Variants in GOLGA4 observed in about 807,000 individuals in gnomAD.
The protein encoded by GOLGA4 is golgin subfamily A member 4.
A neutral mutation model predicts 265.9 loss-of-function variants in GOLGA4; 169 were observed. The observed-to-expected ratio is 0.64, with a 90% CI of 0.56 to 0.72. GOLGA4 has a LOEUF of 0.72. GOLGA4 is among the 30% of genes least tolerant of loss of function. The pLI is 0.00. For missense variants in GOLGA4, 2,482 were observed against 2,483.4 expected (o/e 1.00, Z 0.01); for synonymous variants, 923 against 855.8 (o/e 1.08, Z -1.37).
intron 2 of GOLGA4, among the ~76,000 whole-genome samples, chr3:37,272,120 A>G (rs1434582122): frequency 6.6e-6 from 1 of 152,200 alleles, no homozygotes; most frequent in Non-Finnish European, 1.5e-5. Context: ...TTACAGTGTA[A>G]TAATAGAAAT....
At chr3:37,339,824 C>G (rs371002416) in intron 19 of GOLGA4, among the ~76,000 whole-genome samples, 2 of 152,138 alleles carry the variant, frequency 1.3e-5, no homozygotes, top group East Asian at 3.8e-4. Flanking sequence ...CATTCTGTAG[C>G]TTGTCTTTTT....
At chr3:37,358,770 A>G (rs1053126324) in intron 22 of GOLGA4, among the ~76,000 whole-genome samples, 1 of 152,190 alleles carries the variant, frequency 6.6e-6, no homozygotes. Flanking sequence ...CCTCAGTAGG[A>G]GGGTCAAGTC....
chr3:37,287,079 G>T (rs1013798324), intron 4 of GOLGA4, among the ~76,000 whole-genome samples: 1 of 152,178 alleles, frequency 6.6e-6, no homozygotes, highest in Non-Finnish European at 1.5e-5. Flanking sequence ...GGTGGCTCAC[G>T]CCTGTAATCC....
At chr3:37,293,570 A>G (rs1000811872) in intron 5 of GOLGA4, among the ~76,000 whole-genome samples, 15 of 152,236 alleles carry the variant, frequency 9.9e-5, no homozygotes, top group African/African-American at 3.4e-4. Flanking sequence ...TTAGGGAACT[A>G]GTGAAGTATA....
chr3:37,337,817 G>T, intron 19 of GOLGA4, 83 bp downstream of exon 19: 1 of 908,170 alleles, frequency 1.1e-6, no homozygotes, highest in Admixed American at 2.0e-5. Flanking sequence ...TTAAATAGTT[G>T]GCTTTGAAAT....
intron 14 of GOLGA4, 75 bp from the exon 15 acceptor site, chr3:37,328,339 CTG>C: frequency 7.0e-7 from 1 of 1,435,130 alleles, no homozygotes; most frequent in South Asian, 1.3e-5. Context: ...ACTGTATGCA[CTG>C]TTTTAAAGAC....
intron 2 of GOLGA4, among the ~76,000 whole-genome samples, chr3:37,275,227 A>AT (rs1296589340): frequency 1.5e-4 from 22 of 148,778 alleles, no homozygotes; most frequent in African/African-American, 5.6e-4. Context: ...AAAAAAAAAA[A>AT]AAAAAAAAAA....
intron 20 of GOLGA4, among the ~76,000 whole-genome samples, chr3:37,341,283 A>T (rs1267057464): frequency 6.6e-6 from 1 of 152,196 alleles, no homozygotes; most frequent in Non-Finnish European, 1.5e-5. Context: ...ATCTTATATA[A>T]CACTTATCCA....
rs1212896889 is a variant in GOLGA4 at position 37,326,241 on chromosome 3, G to A, written c.4355G>A (p.Arg1452Lys). The A allele has an allele frequency of 6.2e-7, 1 of 1,613,706 alleles. No individual in the cohort carries two copies. Among genetic ancestry groups the A allele is most frequent in the East Asian group, 2.2e-5 (1 of 44,842 alleles). The change falls in exon 14 of 24, where the codon AGA becomes AAA. Residue 1452 changes from arginine (R) to lysine (K), a missense_variant. Around this residue, in one of 3 missense-constraint regions of GOLGA4, gnomAD observed 942 missense variants for 983.1 expected, o/e 0.96. Coordinates refer to ENST00000361924, the MANE Select transcript of GOLGA4 (RefSeq NM_002078.5). ...GAATGGAAGAAGAAAGCACAGTCAA[G>A]ATTTACACAGCATCAAAACACTGTT... ...FSEWKKKAQS[R>K]FTQHQNTVKE...
intron 10 of GOLGA4, among the ~76,000 whole-genome samples, chr3:37,313,020 T>C (rs1248199352): frequency 6.6e-6 from 1 of 152,106 alleles, no homozygotes. Flanking sequence ...TTGGCCAATA[T>C]GGTGAAACCC....
At chr3:37,305,251 G>C (rs1482172281) in intron 10 of GOLGA4, among the ~76,000 whole-genome samples, 4 of 152,018 alleles carry the variant, frequency 2.6e-5, no homozygotes, top group African/African-American at 9.7e-5. Context: ...CATTTATTTT[G>C]GAAAGTCTTT....
Position 37,325,090 on chromosome 3 carries a change from A to G in GOLGA4, c.3204A>G (p.Glu1068=), listed in dbSNP as rs772036417. The G allele has an allele frequency of 3.7e-5, 60 of 1,612,750 alleles. No homozygotes were observed. In the South Asian group the frequency reaches 5.1e-4, roughly 14 times the overall value. The change falls in exon 14 of 24, where the codon GAA becomes GAG. Residue 1068 remains glutamate, a synonymous_variant. Transcript: ENST00000361924. ...AAATACATGAAATCCAATTACAGGA[A>G]AAAGAACAAGAGGTAGCAGAACTGA... ...LQEIHEIQLQ[E]KEQEVAELKQ...
chr3:37,345,926 G>A (rs55891357), intron 20 of GOLGA4, among the ~76,000 whole-genome samples: 120 of 149,776 alleles, frequency 8.0e-4, no homozygotes, highest in African/African-American at 2.7e-3. Flanking sequence ...CAGCCTGGGC[G>A]ACAGAGCGAG....
At chr3:37,243,790 G>T in intron 1 of GOLGA4, 168 bp downstream of exon 1, 1 of 604,012 alleles carries the variant, frequency 1.7e-6, no homozygotes, top group East Asian at 2.8e-5. Context: ...CAGGTCGTCC[G>T]TAACTCCTGA....
rs2096835951 is a variant in GOLGA4, at chr3:37,281,993, G to C, written c.198G>C (p.Gln66His). 2 of 1,613,916 alleles carry C rather than the reference G, an allele frequency of 1.2e-6. No homozygotes were observed. The highest frequency in any genetic ancestry group is 1.3e-5 in the African/African-American group (1 of 74,910). ...CACAGTCTTTTGCACAGAAGCTCCA[G>C]CTCCGGGTGCCCTCCGTGGAGTCTT... ...GDTQSFAQKL[Q>H]LRVPSVESLF... is the part of the protein sequence containing the mutation. Residue 66 changes from glutamine to histidine, a missense_variant, in exon 3 of 24, where the codon CAG becomes CAC. Gln to His is a conservative substitution (Grantham distance 24, BLOSUM62 0). This residue lies in a region of GOLGA4 where 1,536 missense variants were observed against 1,483.7 expected (regional missense o/e 1.04). Coordinates refer to ENST00000361924, the MANE Select transcript of GOLGA4 (RefSeq NM_002078.5).
chr3:37,339,976 A>G (rs2097027632), intron 19 of GOLGA4, 148 bp from the exon 20 acceptor site: 1 of 430,082 alleles, frequency 2.3e-6, no homozygotes, highest in Non-Finnish European at 4.2e-6. Flanking sequence ...TCGCAGAAAC[A>G]ATTCTTGCTC....
chr3:37,330,135 A>G (rs922342792), intron 16 of GOLGA4, among the ~76,000 whole-genome samples: 46 of 152,038 alleles, frequency 3.0e-4, no homozygotes, highest in Admixed American at 1.8e-3. Flanking sequence ...AAAAAAAAAA[A>G]GTATTATTTC....
chr3:37,335,223 A>G (rs934388755), intron 17 of GOLGA4, 57 bp downstream of exon 17: 1 of 909,948 alleles, frequency 1.1e-6, no homozygotes, highest in Admixed American at 2.0e-5. Flanking sequence ...CATTTCTGTG[A>G]TTTGACTAGC....
intron 16 of GOLGA4, among the ~76,000 whole-genome samples, chr3:37,331,279 T>C (rs1225456045): frequency 6.6e-6 from 1 of 152,188 alleles, no homozygotes; most frequent in Non-Finnish European, 1.5e-5. Flanking sequence ...TAGCAACATT[T>C]CAAGTTCTCA....
Sources: gnomAD v4.1 joint callset for allele counts (sites outside exome capture counted in the v4.1 genomes callset) on GRCh38, gnomAD v4.1.1 for gene constraint, gnomAD v4.1.1 regional missense constraint, MANE v1.5 for transcripts, NCBI Gene and HGNC (gene_info 2026-07-23, HGNC 2026-07-21) for gene names.